The following KANK4 variants were observed in gnomAD, a reference collection of about 807,000 sequenced individuals.
The protein encoded by KANK4 is KN motif and ankyrin repeat domain-containing protein 4.
Under a neutral mutation model 80.8 loss-of-function variants are expected in KANK4, and 50 were observed. The observed-to-expected ratio is 0.62, with a 90% confidence interval of 0.49 to 0.78. The LOEUF (loss-of-function observed/expected upper bound fraction) is 0.78. Among genes scored for constraint, KANK4 ranks in the 30% least tolerant of loss-of-function variants. The pLI, the probability that KANK4 is intolerant of heterozygous loss-of-function variation, is 0.00. For synonymous variants in KANK4, 465 were observed against 506.9 expected (o/e 0.92, Z 1.11); for missense variants, 1,196 against 1,240.1 (o/e 0.96, Z 0.53).
At chr1:62,308,288 C>T (rs1160228828) in intron 1 of KANK4, among the ~76,000 whole-genome samples, 1 of 152,170 alleles carries the variant, frequency 6.6e-6, no homozygotes, top group Non-Finnish European at 1.5e-5. Flanking sequence ...CTCACACAGG[C>T]GCCTGCATGG....
At chr1:62,301,359 A>G (rs74076480) in intron 1 of KANK4, among the ~76,000 whole-genome samples, 4,029 of 152,236 alleles carry the variant, frequency 0.026, 163 homozygotes, top group African/African-American at 0.082. Context: ...TCAGGTACTA[A>G]CACCAAAGGT....
chr1:62,273,590 C>A lies in KANK4; in HGVS notation c.1514G>T (p.Gly505Val), dbSNP rs1672222195. The A allele has an allele frequency of 6.2e-7, 1 of 1,614,016 alleles. No homozygotes were observed. Among genetic ancestry groups the A allele is most frequent in the Non-Finnish European group, 8.5e-7 (1 of 1,180,030 alleles). Reference protein sequence around the residue: ...LSTELRIEEAGTEQEGGPQGG... With the variant: ...LSTELRIEEAVTEQEGGPQGG... ...CTGAGGGCCTCCTTCCTGTTCAGTG[C>A]CTGCTTCTTCAATCCTGAGTTCAGT... Residue 505 changes from glycine to valine, a missense_variant, in exon 3 of 10, where the codon GGC becomes GTC. This residue lies in a region of KANK4 where 1,154 missense variants were observed against 1,179.6 expected (regional missense o/e 0.98). Transcript: ENST00000371153.
chr1:62,291,325 G>T (rs1469878349), intron 1 of KANK4, among the ~76,000 whole-genome samples: 1 of 152,040 alleles, frequency 6.6e-6, no homozygotes. Context: ...ACATATTCAG[G>T]ATATTAACCT....
In KANK4 at chr1:62,241,336, C is replaced by T. The variant is rs79673255; in HGVS notation, c.2884-2955G>A. Among the ~76,000 whole-genome samples, 5 of 152,044 alleles carry T rather than the reference C, an allele frequency of 3.3e-5. No individual in the cohort carries two copies. The East Asian group carries it at 7.7e-4, about 24-fold the overall frequency. ...TGCCAGGGCGGGGTAGAAGATGGCT[C>T]GGGGGGAGGCAGAGGAAGGAAGTGG... On this transcript the variant is annotated intron_variant, in intron 9 of 9. Transcript: ENST00000371153.
intron 1 of KANK4, among the ~76,000 whole-genome samples, chr1:62,285,102 G>A (rs1282946827): frequency 2.6e-5 from 4 of 152,164 alleles, no homozygotes; most frequent in African/African-American, 9.7e-5. Context: ...AGTTACAAAC[G>A]AGGAAACTAA....
intron 7 of KANK4, among the ~76,000 whole-genome samples, chr1:62,254,553 ATTTT>A (rs562810470): frequency 3.7e-5 from 5 of 134,556 alleles, no homozygotes; most frequent in East Asian, 2.2e-4. Context: ...AAAACCTGGC[ATTTT>A]TTTTTTTGTT....
chr1:62,270,330 G>A (rs1393752114), intron 4 of KANK4, among the ~76,000 whole-genome samples: 1 of 151,948 alleles, frequency 6.6e-6, no homozygotes, highest in Non-Finnish European at 1.5e-5. Context: ...GTTAGTGGAA[G>A]TGGGAACAGC....
At chr1:62,286,760 C>T (rs186731174) in intron 1 of KANK4, among the ~76,000 whole-genome samples, 26 of 152,152 alleles carry the variant, frequency 1.7e-4, no homozygotes, top group African/African-American at 6.3e-4. Context: ...TCCCTACCCC[C>T]TCCTGGGGCC....
intron 7 of KANK4, among the ~76,000 whole-genome samples, chr1:62,254,653 A>C (rs11207947): frequency 0.24 from 36,471 of 151,512 alleles, 4,952 homozygotes; most frequent in Non-Finnish European, 0.3. Flanking sequence ...TCCTGGGTTC[A>C]AGTGATTCTC....
chr1:62,301,306 G>A (rs1644410356), intron 1 of KANK4, among the ~76,000 whole-genome samples: 1 of 152,042 alleles, frequency 6.6e-6, no homozygotes, highest in Non-Finnish European at 1.5e-5. Context: ...CTACTACTGG[G>A]TTCTTGCATT....
At chr1:62,257,639 C>T (rs1348101511) in intron 7 of KANK4, among the ~76,000 whole-genome samples, 2 of 151,476 alleles carry the variant, frequency 1.3e-5, no homozygotes, top group Admixed American at 1.3e-4. Context: ...TTTCTGGATG[C>T]TTAACAACTG....
intron 2 of KANK4, among the ~76,000 whole-genome samples, chr1:62,278,687 G>C: frequency 6.6e-6 from 1 of 151,996 alleles, no homozygotes; most frequent in South Asian, 2.1e-4. Context: ...GAGCCACCAC[G>C]CCCGGCTGAC....
chr1:62,275,226 G>A (rs1217117825), intron 2 of KANK4, 139 bp from the exon 3 acceptor site: 21 of 646,398 alleles, frequency 3.2e-5, no homozygotes, highest in Middle Eastern at 4.3e-4. Context: ...TCGAAATTAT[G>A]CTGAGATGCT....
rs769671593 is a variant in KANK4 at position 62,274,779 on chromosome 1, A to C, written c.325T>G (p.Ser109Ala). ...TGGGGGGCATTACCAAGCGGTGGTG[A>C]CTGGTTTTGCTCCTGTGTCCCAAGT... ...ASLGTQEQNQ[S>A]PPLGNAPQAS... Residue 109 changes from serine (S) to alanine (A), a missense_variant, in exon 3 of 10, where the codon TCA becomes GCA. Physicochemically the swap from Ser to Ala is moderately conservative, Grantham distance 99. Around this residue, in one of 3 missense-constraint regions of KANK4, gnomAD observed 1,154 missense variants for 1,179.6 expected, o/e 0.98. Coordinates refer to ENST00000371153, the MANE Select transcript of KANK4 (RefSeq NM_181712.5). 1 of 1,613,720 alleles carries C rather than the reference A, an allele frequency of 6.2e-7. No individual in the cohort carries two copies. Among genetic ancestry groups the C allele is most frequent in the Non-Finnish European group, 8.5e-7 (1 of 1,179,894 alleles).
chr1:62,287,477 G>T (rs1271724820), intron 1 of KANK4, among the ~76,000 whole-genome samples: 1 of 152,168 alleles, frequency 6.6e-6, no homozygotes, highest in Non-Finnish European at 1.5e-5. Flanking sequence ...TGAAATTGAT[G>T]CTGGCAAGGA....
At chr1:62,308,604 C>G (rs1156525913) in intron 1 of KANK4, among the ~76,000 whole-genome samples, 2 of 152,136 alleles carry the variant, frequency 1.3e-5, no homozygotes. Flanking sequence ...CCCAGCCACC[C>G]TCTCAAAGGA....
At chr1:62,259,264 G>A (rs1307913067) in intron 7 of KANK4, among the ~76,000 whole-genome samples, 1 of 151,974 alleles carries the variant, frequency 6.6e-6, no homozygotes, top group Non-Finnish European at 1.5e-5. Context: ...AGAGGAATGG[G>A]ACCGACTTTT....
intron 2 of KANK4, among the ~76,000 whole-genome samples, chr1:62,276,409 C>T (rs1198353494): frequency 6.6e-6 from 1 of 152,090 alleles, no homozygotes; most frequent in African/African-American, 2.4e-5. Flanking sequence ...TGCTGTGTGA[C>T]CTTGGGGAAG....
chr1:62,237,525 G>C lies in KANK4; in HGVS notation c.*752C>G, dbSNP rs936889384. The stretch of plus-strand genomic sequence containing the variant: ...TACATGTGGTGTGTGTCATTGGATT[G>C]AATTTCTTTTTTTTCTTTATTACAT... On this transcript the variant is annotated 3_prime_UTR_variant, in exon 10 of 10. Coordinates refer to ENST00000371153, the MANE Select transcript of KANK4 (RefSeq NM_181712.5). 1.3e-5 allele frequency: 2 copies of C among 152,056 alleles called. No individual in the cohort carries two copies. The highest frequency in any genetic ancestry group is 2.9e-5 in the Non-Finnish European group (2 of 68,012). 9.4% of individuals were successfully genotyped at this position (152,056 alleles called of 1,614,324 possible). A position where few individuals can be genotyped will look rare whatever the true frequency, so the allele number is the denominator to read the frequency against.
Sources: allele counts gnomAD v4.1 joint callset (sites outside exome capture counted in the v4.1 genomes callset), GRCh38; gene constraint gnomAD v4.1.1; regional missense constraint gnomAD v4.1.1; transcripts MANE v1.5; gene names NCBI Gene and HGNC (gene_info 2026-07-23, HGNC 2026-07-21).